Variants in GSDMC observed in about 807,000 individuals in gnomAD.
GSDMC encodes gasdermin-C.
In GSDMC, 59 loss-of-function variants were observed where a neutral mutation model predicts 58.0. That is an observed-to-expected ratio of 1.02 (90% CI 0.82 to 1.26). The LOEUF (loss-of-function observed/expected upper bound fraction) is 1.26, where lower values mean the gene tolerates loss of function less well. Ranked by LOEUF, GSDMC falls within the 50% of genes most tolerant of loss-of-function variation. GSDMC has a pLI of 0.00. For synonymous variants in GSDMC, 241 were observed against 220.2 expected, an observed-to-expected ratio of 1.09 and a Z score of -0.83; for missense variants, 659 against 598.5, an observed-to-expected ratio of 1.10 and a Z score of -1.06.
At chr8:129,710,797 G>A in the GSDMC span, among the ~76,000 whole-genome samples, 1 of 152,150 alleles carries the variant, frequency 6.6e-6, no homozygotes, top group Non-Finnish European at 1.5e-5. Context: ...GGCTCATGGG[G>A]GAAAGATATT....
intron 3 of GSDMC, among the ~76,000 whole-genome samples, chr8:129,774,063 T>C (rs973854220): frequency 4.6e-5 from 7 of 152,190 alleles, no homozygotes; most frequent in Admixed American, 3.3e-4. Context: ...AAAAATAATC[T>C]TAAAACTCTT....
the GSDMC span, among the ~76,000 whole-genome samples, chr8:129,739,346 T>G: frequency 6.6e-6 from 1 of 152,232 alleles, no homozygotes; most frequent in African/African-American, 2.4e-5. Context: ...CTTTTTACTT[T>G]GAACTAGAGG....
At chr8:129,774,049 T>C (rs1054189152) in intron 3 of GSDMC, among the ~76,000 whole-genome samples, 3 of 151,944 alleles carry the variant, frequency 2.0e-5, no homozygotes, top group Admixed American at 1.3e-4. Flanking sequence ...TTCACAGAAA[T>C]AGAAAAAATA....
At chr8:129,738,625 G>A in the GSDMC span, among the ~76,000 whole-genome samples, 1 of 152,054 alleles carries the variant, frequency 6.6e-6, no homozygotes, top group Admixed American at 6.5e-5. Context: ...TGGACACAGG[G>A]TGGGGAACAT....
intron 3 of GSDMC, among the ~76,000 whole-genome samples, chr8:129,772,676 G>T (rs2034101704): frequency 6.6e-6 from 1 of 152,136 alleles, no homozygotes; most frequent in Non-Finnish European, 1.5e-5. Context: ...GCTTTCACTG[G>T]TGAATTCTGC....
intron 6 of GSDMC, among the ~76,000 whole-genome samples, chr8:129,758,745 G>A (rs1200703680): frequency 6.6e-6 from 1 of 152,106 alleles, no homozygotes; most frequent in African/African-American, 2.4e-5. Flanking sequence ...GATATTCCAT[G>A]TTCATGGATG....
At chr8:129,733,786 G>A in the GSDMC span, among the ~76,000 whole-genome samples, 1 of 76,606 alleles carries the variant, frequency 1.3e-5, no homozygotes, top group Non-Finnish European at 2.1e-5. Flanking sequence ...GACAGCTGGT[G>A]AGGACCAGCA....
intron 9 of GSDMC, 89 bp from the exon 10 acceptor site, chr8:129,751,657 C>G: frequency 2.4e-6 from 3 of 1,251,890 alleles, no homozygotes; most frequent in East Asian, 2.3e-5. Context: ...CTCCTACCAC[C>G]TCCTCCCTCT....
At chr8:129,746,791 GC>G (rs2032971713), downstream of GSDMC, among the ~76,000 whole-genome samples, 1 of 152,168 alleles carries the variant, frequency 6.6e-6, no homozygotes, top group African/African-American at 2.4e-5. Flanking sequence ...GGTGTTACCT[GC>G]TACCTAAAAA....
chr8:129,739,948 C>T, the GSDMC span, among the ~76,000 whole-genome samples: 1 of 152,076 alleles, frequency 6.6e-6, no homozygotes, highest in Non-Finnish European at 1.5e-5. Flanking sequence ...CCAGTGGGAC[C>T]AGGTGTGGAG....
At chr8:129,756,523 G>T (rs1200528414) in intron 6 of GSDMC, among the ~76,000 whole-genome samples, 2 of 152,120 alleles carry the variant, frequency 1.3e-5, no homozygotes, top group Non-Finnish European at 2.9e-5. Context: ...AAAGAAGCCT[G>T]AGACTTATTC....
the GSDMC span, among the ~76,000 whole-genome samples, chr8:129,722,170 C>G: frequency 6.6e-6 from 1 of 152,186 alleles, no homozygotes; most frequent in Non-Finnish European, 1.5e-5. Context: ...ATTATTTCTT[C>G]CCACTGTTGA....
At chr8:129,717,651 C>A in the GSDMC span, among the ~76,000 whole-genome samples, 3 of 152,016 alleles carry the variant, frequency 2.0e-5, no homozygotes, top group Non-Finnish European at 4.4e-5. Flanking sequence ...ACTTTCCTCA[C>A]AGAATTAGAA....
the GSDMC span, among the ~76,000 whole-genome samples, chr8:129,708,943 A>T: frequency 3.7e-4 from 57 of 152,332 alleles, no homozygotes; most frequent in Middle Eastern, 0.017. Flanking sequence ...CAGTTTCCTC[A>T]TCTGAATATA....
the GSDMC span, among the ~76,000 whole-genome samples, chr8:129,713,970 T>G: frequency 6.6e-6 from 1 of 152,126 alleles, no homozygotes. Flanking sequence ...GTAAAGATGT[T>G]TGGAGCAGAC....
intron 12 of GSDMC, 67 bp from the exon 13 acceptor site, chr8:129,749,592 G>T: frequency 8.7e-7 from 1 of 1,146,166 alleles, no homozygotes; most frequent in Non-Finnish European, 1.3e-6. Flanking sequence ...CCACCATAAA[G>T]CAGGAGACCC....
At chr8:129,762,538 C>T (rs2130446038) in intron 5 of GSDMC, 88 bp downstream of exon 5, 1 of 826,580 alleles carries the variant, frequency 1.2e-6, no homozygotes, top group Non-Finnish European at 2.1e-6. Flanking sequence ...AGGTTGCATA[C>T]TATGGTTATT....
intron 1 of GSDMC, among the ~76,000 whole-genome samples, chr8:129,778,976 T>G (rs977144905): frequency 1.3e-5 from 2 of 152,134 alleles, no homozygotes; most frequent in African/African-American, 4.8e-5. Context: ...CTGGCAAGGT[T>G]GTGGAGAAAA....
At chr8:129,737,310 CA>C in the GSDMC span, among the ~76,000 whole-genome samples, 1 of 151,974 alleles carries the variant, frequency 6.6e-6, no homozygotes, top group Non-Finnish European at 1.5e-5. Context: ...CATATGGAAC[CA>C]AAAAAGAGCC....
Sources: gnomAD v4.1 joint callset for allele counts (sites outside exome capture counted in the v4.1 genomes callset) on GRCh38, gnomAD v4.1.1 for gene constraint, MANE v1.5 for transcripts, NCBI Gene and HGNC (gene_info 2026-07-23, HGNC 2026-07-21) for gene names.